IMMP2L: variants seen among roughly 807,000 people sequenced by gnomAD.
IMMP2L encodes the protein mitochondrial inner membrane protease subunit 2.
Under a neutral mutation model 19.3 loss-of-function variants are expected in IMMP2L, and 18 were observed. The ratio of observed to expected loss-of-function variants is 0.93; its 90% confidence interval spans 0.64 to 1.38. The LOEUF is 1.38. Among genes scored for constraint, IMMP2L ranks in the 40% most tolerant of loss-of-function variants. The pLI, the probability that IMMP2L is intolerant of heterozygous loss-of-function variation, is 0.00. For missense variants in IMMP2L, 233 were observed against 218.2 expected (o/e 1.07, Z -0.43); for synonymous variants, 76 against 73.0 (o/e 1.04, Z -0.21).
At chr7:111,062,204 G>A (rs1322784479) in intron 3 of IMMP2L, among the ~76,000 whole-genome samples, 1 of 152,172 alleles carries the variant, frequency 6.6e-6, no homozygotes, top group Non-Finnish European at 1.5e-5. Context: ...ACATGGCTGG[G>A]GAGGCCTCAC....
At chr7:111,540,199 T>C (rs2132949496) in intron 1 of IMMP2L, among the ~76,000 whole-genome samples, 1 of 152,284 alleles carries the variant, frequency 6.6e-6, no homozygotes, top group African/African-American at 2.4e-5. Context: ...ATTTTCGCAA[T>C]CTAGAAACAA....
chr7:111,479,124 C>T (rs7788351), intron 3 of IMMP2L, among the ~76,000 whole-genome samples: 1,608 of 152,252 alleles, frequency 0.011, 33 homozygotes, highest in African/African-American at 0.036. Context: ...AGCTTGCAGG[C>T]ACTGTGAAAC....
At chr7:111,303,302 T>C (rs1274717311) in intron 3 of IMMP2L, among the ~76,000 whole-genome samples, 1 of 152,072 alleles carries the variant, frequency 6.6e-6, no homozygotes, top group African/African-American at 2.4e-5. Flanking sequence ...TTATAACGTA[T>C]GAATATGTTC....
intron 3 of IMMP2L, among the ~76,000 whole-genome samples, chr7:111,216,944 G>T (rs924445268): frequency 1.3e-5 from 2 of 152,128 alleles, no homozygotes; most frequent in African/African-American, 2.4e-5. Context: ...TTTATCAAAT[G>T]CATGCAAGTG....
intron 5 of IMMP2L, among the ~76,000 whole-genome samples, chr7:110,725,210 A>G (rs1795814102): frequency 6.6e-6 from 1 of 152,210 alleles, no homozygotes; most frequent in African/African-American, 2.4e-5. Context: ...TTTTACAGAC[A>G]GGAAACCAGA....
At chr7:110,964,983 C>A (rs1585482304) in intron 3 of IMMP2L, among the ~76,000 whole-genome samples, 1 of 152,112 alleles carries the variant, frequency 6.6e-6, no homozygotes, top group South Asian at 2.1e-4. Context: ...TCGTGAGAGA[C>A]CTTGAGTCAG....
intron 5 of IMMP2L, among the ~76,000 whole-genome samples, chr7:110,668,619 C>T (rs1525674): frequency 0.053 from 8,119 of 152,112 alleles, 637 homozygotes; most frequent in African/African-American, 0.17. Flanking sequence ...TTTACCAAAA[C>T]CAATCTTAGA....
At chr7:111,283,970 CAA>C (rs972346409) in intron 3 of IMMP2L, among the ~76,000 whole-genome samples, 2 of 48,616 alleles carry the variant, frequency 4.1e-5, no homozygotes, top group Non-Finnish European at 8.6e-5. Context: ...GACTCCGTCT[CAA>C]AAAAAAAAAA....
intron 3 of IMMP2L, chr7:111,124,156 CA>C: frequency 6.2e-7 from 1 of 1,613,858 alleles, no homozygotes; most frequent in Non-Finnish European, 8.5e-7. Context: ...ACCTTCTGGT[CA>C]AAAACTCTTG....
intron 3 of IMMP2L, among the ~76,000 whole-genome samples, chr7:111,163,570 C>G (rs183125655): frequency 6.6e-6 from 1 of 152,022 alleles, no homozygotes; most frequent in Non-Finnish European, 1.5e-5. Flanking sequence ...TGTCATAGAA[C>G]ATTAAATTAA....
At chr7:110,854,484 A>C (rs1806548763) in intron 5 of IMMP2L, among the ~76,000 whole-genome samples, 1 of 151,928 alleles carries the variant, frequency 6.6e-6, no homozygotes, top group Non-Finnish European at 1.5e-5. Flanking sequence ...AAAAAATAAA[A>C]CTGTGCTTTT....
At chr7:110,927,449 G>A (rs1315009763) in intron 4 of IMMP2L, among the ~76,000 whole-genome samples, 1 of 152,100 alleles carries the variant, frequency 6.6e-6, no homozygotes, top group Non-Finnish European at 1.5e-5. Flanking sequence ...CTAATTAGCT[G>A]CCCTCAGGAT....
rs1487232459 is a variant in IMMP2L, at chr7:111,364,107, A to G, written c.239+123131T>C. On this transcript the variant is annotated intron_variant, in intron 3 of 5. Transcript: ENST00000405709. ...CATTTTGTATTTAAATAATATATTT[A>G]TATCTCTGTTTCTCTATATAGACAG... 1.3e-5 allele frequency among the ~76,000 whole-genome samples: 2 copies of G among 152,044 alleles called. 1 individual carries two copies. Among genetic ancestry groups the G allele is most frequent in the East Asian group, 3.9e-4 (2 of 5,182 alleles).
chr7:111,454,046 T>C (rs1329774643), intron 3 of IMMP2L, among the ~76,000 whole-genome samples: 3 of 152,318 alleles, frequency 2.0e-5, no homozygotes, highest in Non-Finnish European at 4.4e-5. Flanking sequence ...CATTCATATA[T>C]TTAATACATC....
At position 111,037,208 on chromosome 7, in the gene IMMP2L, A is replaced by G. The variant is rs543826756; in HGVS notation, c.240-73643T>C. 1.7e-3 allele frequency among the ~76,000 whole-genome samples: 265 copies of G among 152,310 alleles called. 1 individual carries two copies. The highest frequency in any genetic ancestry group is 5.2e-3 in the African/African-American group (217 of 41,566). ...AATGCTAAGATTCTTAAACCAAACTAACATATACATAGTATGGAACATTAA... is the reference window on the plus strand; with the variant it reads ...AATGCTAAGATTCTTAAACCAAACTGACATATACATAGTATGGAACATTAA... On this transcript the variant is annotated intron_variant, in intron 3 of 5. Coordinates refer to ENST00000405709, the MANE Select transcript of IMMP2L (RefSeq NM_032549.4).
chr7:111,489,076 C>T (rs1842888609), intron 2 of IMMP2L, among the ~76,000 whole-genome samples: 1 of 131,472 alleles, frequency 7.6e-6, no homozygotes, highest in South Asian at 2.6e-4. Flanking sequence ...TGGAGTCTCA[C>T]ACCGTCGCCC....
intron 5 of IMMP2L, among the ~76,000 whole-genome samples, chr7:110,831,699 A>G (rs1803984201): frequency 6.6e-6 from 1 of 152,222 alleles, no homozygotes; most frequent in Admixed American, 6.5e-5. Flanking sequence ...TATAAAAATA[A>G]CCATGCACTA....
chr7:111,516,875 G>A (rs116634904), intron 2 of IMMP2L, among the ~76,000 whole-genome samples: 3,042 of 152,182 alleles, frequency 0.02, 104 homozygotes, highest in African/African-American at 0.069. Context: ...GCAGACCAAG[G>A]TGAGTGACGA....
At chr7:111,016,058 C>T (rs959766255) in intron 3 of IMMP2L, among the ~76,000 whole-genome samples, 4 of 151,932 alleles carry the variant, frequency 2.6e-5, no homozygotes, top group African/African-American at 9.7e-5. Flanking sequence ...TGGCATAATG[C>T]CAGAAAATTT....
Sources: allele counts gnomAD v4.1 joint callset (sites outside exome capture counted in the v4.1 genomes callset), GRCh38; gene constraint gnomAD v4.1.1; transcripts MANE v1.5; gene names NCBI Gene and HGNC (gene_info 2026-07-23, HGNC 2026-07-21).